The following LTBP1 variants were observed in gnomAD, a reference collection of about 807,000 sequenced individuals.
LTBP1 encodes the protein latent transforming growth factor beta binding protein 1, also known as latent-transforming growth factor beta-binding protein 1.
A neutral mutation model predicts 207.6 loss-of-function variants in LTBP1; 129 were observed. The ratio of observed to expected loss-of-function variants is 0.62; its 90% CI spans 0.54 to 0.72. LTBP1 has a LOEUF of 0.72. LTBP1 is among the 30% of genes least tolerant of loss of function. The pLI is 0.00. For missense variants in LTBP1, 2,281 were observed against 2,217.2 expected (o/e 1.03, Z -0.58); for synonymous variants, 963 against 833.7 (o/e 1.16, Z -2.67).
intron 4 of LTBP1, among the ~76,000 whole-genome samples, chr2:33,133,077 C>T (rs2081914781): frequency 6.6e-6 from 1 of 152,118 alleles, no homozygotes. Flanking sequence ...GTTACACGAC[C>T]ACTTGATACG....
At chr2:33,191,750 T>G (rs1237793347) in intron 7 of LTBP1, among the ~76,000 whole-genome samples, 1 of 152,218 alleles carries the variant, frequency 6.6e-6, no homozygotes, top group Non-Finnish European at 1.5e-5. Flanking sequence ...GGATAAATGC[T>G]CACTGTTGCT....
At chr2:33,355,684 TC>T (rs2094849796) in intron 26 of LTBP1, among the ~76,000 whole-genome samples, 1 of 152,052 alleles carries the variant, frequency 6.6e-6, no homozygotes, top group Non-Finnish European at 1.5e-5. Flanking sequence ...TAGAGTAATA[TC>T]CCCGACTTTT....
intron 2 of LTBP1, among the ~76,000 whole-genome samples, chr2:32,957,018 A>C (rs1240774956): frequency 6.6e-6 from 1 of 152,246 alleles, no homozygotes; most frequent in Admixed American, 6.5e-5. Flanking sequence ...TCAGTTAACC[A>C]TGCTGTAAAC....
chr2:33,226,159 G>T (rs1380390623), intron 9 of LTBP1, among the ~76,000 whole-genome samples: 2 of 152,152 alleles, frequency 1.3e-5, no homozygotes, highest in Non-Finnish European at 2.9e-5. Context: ...GTTGAGAGAG[G>T]TGTTAAAATT....
At chr2:33,305,640 A>G (rs1042826561) in intron 22 of LTBP1, among the ~76,000 whole-genome samples, 1 of 152,204 alleles carries the variant, frequency 6.6e-6, no homozygotes, top group Admixed American at 6.5e-5. Flanking sequence ...AATTGTATCT[A>G]TGCATTTGGA....
chr2:33,176,512 A>G (rs1294737799), intron 5 of LTBP1, among the ~76,000 whole-genome samples: 1 of 151,324 alleles, frequency 6.6e-6, no homozygotes, highest in Non-Finnish European at 1.5e-5. Flanking sequence ...GTCGTGAGCC[A>G]CCATGCCTGG....
chr2:33,138,295 C>G (rs572154782), intron 5 of LTBP1, among the ~76,000 whole-genome samples: 2 of 152,166 alleles, frequency 1.3e-5, no homozygotes, highest in East Asian at 1.9e-4. Flanking sequence ...TAATGCAACT[C>G]TAAAAGTGAG....
intron 3 of LTBP1, among the ~76,000 whole-genome samples, chr2:33,106,069 G>C (rs2080048060): frequency 1.3e-5 from 2 of 152,142 alleles, no homozygotes; most frequent in Non-Finnish European, 2.9e-5. Flanking sequence ...TCCATCTCAA[G>C]AAACCATGTT....
chr2:33,313,418 G>T (rs567089564), intron 23 of LTBP1, among the ~76,000 whole-genome samples: 1 of 152,212 alleles, frequency 6.6e-6, no homozygotes, highest in East Asian at 1.9e-4. Flanking sequence ...GGAGATTCTG[G>T]CTGTAGGGAA....
chr2:33,252,736 A>G lies in LTBP1; in HGVS notation c.2059A>G (p.Arg687Gly), dbSNP rs377052776. The G allele has an allele frequency of 7.4e-6, 12 of 1,613,864 alleles. No homozygotes were observed. The Admixed American group carries it at 1.8e-4, about 25-fold the overall frequency. ...GPCYRLVSSGRQCMHPLSVHL... is the reference protein window; with the variant it reads ...GPCYRLVSSGGQCMHPLSVHL... ...CTGTTACCGACTTGTCAGTTCTGGAAGACAGTGTATGCACCCTCTGTCTGT... is the reference window on the plus strand; with the variant it reads ...CTGTTACCGACTTGTCAGTTCTGGAGGACAGTGTATGCACCCTCTGTCTGT... The change falls in exon 11 of 34, where the codon AGA (arginine) becomes GGA (glycine). Residue 687 changes from arginine to glycine, a missense_variant. By Grantham distance (125) the Arg-to-Gly change is moderately radical. Coordinates refer to ENST00000404816, the MANE Select transcript of LTBP1 (RefSeq NM_206943.4).
In LTBP1 at chr2:32,947,656, C is replaced by T; in HGVS notation, c.332C>T (p.Pro111Leu). 1.4e-6 allele frequency: 2 copies of T among 1,415,630 alleles called. No homozygotes were observed. The highest frequency in any genetic ancestry group is 3.0e-5 in the South Asian group (2 of 66,288). The allele number at this position is 1,415,630 out of a possible 1,614,324, so 87.7% of individuals were successfully genotyped here. The change falls in exon 1 of 34, where the codon CCC becomes CTC. Residue 111 changes from proline to leucine, a missense_variant. Physicochemically the swap from Pro to Leu is moderately conservative, Grantham distance 98. Coordinates refer to ENST00000404816, the MANE Select transcript of LTBP1 (RefSeq NM_206943.4). ...PPPPPPEPAR[P>L]AVPGGQLHPN... ...CCGCCGCCGCCGGAGCCTGCGCGTCCCGCGGTCCCCGGCGGGCAGCTCCAC... is the reference window on the plus strand; with the variant it reads ...CCGCCGCCGCCGGAGCCTGCGCGTCTCGCGGTCCCCGGCGGGCAGCTCCAC...
intron 5 of LTBP1, among the ~76,000 whole-genome samples, chr2:33,140,317 T>G (rs1370957358): frequency 2.0e-5 from 3 of 152,134 alleles, no homozygotes; most frequent in Non-Finnish European, 2.9e-5. Context: ...TCTGGAAACT[T>G]AGTTCAGTCA....
chr2:33,282,817 C>T (rs940287725), intron 19 of LTBP1, among the ~76,000 whole-genome samples: 2 of 152,164 alleles, frequency 1.3e-5, no homozygotes, highest in African/African-American at 4.8e-5. Context: ...GTAATCCCAG[C>T]ACTTTGGGAG....
intron 32 of LTBP1, among the ~76,000 whole-genome samples, chr2:33,390,277 C>T (rs759095429): frequency 1.6e-4 from 25 of 152,198 alleles, no homozygotes; most frequent in African/African-American, 5.5e-4. Context: ...CCCTTTAGAA[C>T]GTAAATGTTG....
chr2:33,229,513 A>G (rs2091664981), intron 9 of LTBP1, among the ~76,000 whole-genome samples: 1 of 152,162 alleles, frequency 6.6e-6, no homozygotes, highest in South Asian at 2.1e-4. Context: ...GGAGAGACGG[A>G]GGGAGAGAAA....
rs1327355714 is a variant in LTBP1, at chr2:33,020,962, T to C, written c.619T>C (p.Cys207Arg). The change falls in exon 3 of 34, where the codon TGT (cysteine) becomes CGT (arginine). Residue 207 changes from cysteine to arginine, a missense_variant. Coordinates refer to ENST00000404816, the MANE Select transcript of LTBP1 (RefSeq NM_206943.4). ...AGGGATGTGTCTCCGGCCACAACTC[T>C]GTGTGTGTAAACCAGGGACCAAGGG... ...NGGMCLRPQL[C>R]VCKPGTKGKA... 1.2e-6 allele frequency: 2 copies of C among 1,609,344 alleles called. No homozygotes were observed. Among genetic ancestry groups the C allele is most frequent in the Non-Finnish European group, 1.7e-6 (2 of 1,176,496 alleles).
chr2:33,313,392 A>G (rs191255769), intron 23 of LTBP1, among the ~76,000 whole-genome samples: 12 of 152,366 alleles, frequency 7.9e-5, no homozygotes, highest in Admixed American at 6.5e-4. Context: ...TCAACAAGTC[A>G]AAAAGAAGAG....
chr2:33,180,773 TA>T (rs760204408), intron 5 of LTBP1, among the ~76,000 whole-genome samples: 11 of 152,116 alleles, frequency 7.2e-5, no homozygotes, highest in Non-Finnish European at 1.5e-4. Context: ...CATAGGTTCT[TA>T]AAGTGAGCAA....
chr2:33,340,277 A>AG, intron 24 of LTBP1, among the ~76,000 whole-genome samples: 1 of 149,456 alleles, frequency 6.7e-6, no homozygotes, highest in Non-Finnish European at 1.5e-5. Flanking sequence ...AAAAAAAAAA[A>AG]AAAGTGCTCC....
Sources: allele counts gnomAD v4.1 joint callset (sites outside exome capture counted in the v4.1 genomes callset), GRCh38; gene constraint gnomAD v4.1.1; transcripts MANE v1.5; gene names NCBI Gene and HGNC (gene_info 2026-07-23, HGNC 2026-07-21).